Variants in TBC1D9 observed in about 807,000 individuals in gnomAD.
The protein encoded by TBC1D9 is TBC1 domain family member 9A.
Under a neutral mutation model 132.0 loss-of-function variants are expected in TBC1D9, and 63 were observed. The ratio of observed to expected loss-of-function variants is 0.48; its 90% CI spans 0.39 to 0.59. The LOEUF (loss-of-function observed/expected upper bound fraction) is 0.59, where lower values mean the gene tolerates loss of function less well. Among genes scored for constraint, TBC1D9 ranks in the 20% least tolerant of loss-of-function variants. The pLI is 0.00. For missense variants in TBC1D9, 1,261 were observed against 1,592.7 expected (o/e 0.79, Z 3.54); for synonymous variants, 610 against 609.9 (o/e 1.00, Z 0.00).
intron 1 of TBC1D9, 44 bp from the exon 2 acceptor site, chr4:140,701,658 T>G (rs1174733718): frequency 2.0e-6 from 3 of 1,484,864 alleles, no homozygotes; most frequent in African/African-American, 2.8e-5. Flanking sequence ...ATTGCCTTAG[T>G]ACTTTCCCAC....
chr4:140,690,750 A>G (rs1737865240), intron 2 of TBC1D9, among the ~76,000 whole-genome samples: 1 of 152,148 alleles, frequency 6.6e-6, no homozygotes, highest in Non-Finnish European at 1.5e-5. Flanking sequence ...TTCTATGACC[A>G]GTATAGCAGG....
chr4:140,669,644 T>C lies in TBC1D9; in HGVS notation c.1427A>G (p.Asn476Ser). Residue 476 changes from asparagine (N) to serine (S), a missense_variant, in exon 8 of 21, where the codon AAC becomes AGC. Asn to Ser is a conservative substitution (Grantham distance 46). This residue lies in a region of TBC1D9 where 550 missense variants were observed against 699.0 expected (regional missense o/e 0.79). Transcript: ENST00000442267. ...GTGAGAGGCACCCACCAATTTCGGGTTGAACTCCTCGGGAGACCGCCGCCG... is the reference window on the plus strand; with the variant it reads ...GTGAGAGGCACCCACCAATTTCGGGCTGAACTCCTCGGGAGACCGCCGCCG... ...MYRRRSPEEF[N>S]PKLAKEFLKE... The C allele has an allele frequency of 6.2e-7, 1 of 1,606,314 alleles. No homozygotes were observed. Among genetic ancestry groups the C allele is most frequent in the Non-Finnish European group, 8.5e-7 (1 of 1,173,636 alleles).
At chr4:140,727,256 G>T (rs895550667) in intron 1 of TBC1D9, among the ~76,000 whole-genome samples, 1 of 152,180 alleles carries the variant, frequency 6.6e-6, no homozygotes, top group African/African-American at 2.4e-5. Flanking sequence ...CACTGCCCCA[G>T]TGGAAGACTC....
rs368144546 is a variant in TBC1D9, at chr4:140,669,641, G to A, written c.1430C>T (p.Pro477Leu). 4.4e-6 allele frequency: 7 copies of A among 1,605,046 alleles called. No individual in the cohort carries two copies. The highest frequency in any genetic ancestry group is 2.2e-5 in the East Asian group (1 of 44,656). ...YRRRSPEEFN[P>L]KLAKEFLKEQ... Reference sequence around the variant, plus strand: ...AAAGTGAGAGGCACCCACCAATTTCGGGTTGAACTCCTCGGGAGACCGCCG... The same window carrying A: ...AAAGTGAGAGGCACCCACCAATTTCAGGTTGAACTCCTCGGGAGACCGCCG... The change falls in exon 8 of 21, where the codon CCG becomes CTG. Residue 477 changes from proline (P) to leucine (L), a missense_variant. Physicochemically the swap from Pro to Leu is moderately conservative, Grantham distance 98. Around this residue, in one of 3 missense-constraint regions of TBC1D9, gnomAD observed 550 missense variants for 699.0 expected, o/e 0.79. Coordinates refer to ENST00000442267, the MANE Select transcript of TBC1D9 (RefSeq NM_015130.3).
chr4:140,711,015 G>A (rs896645954), intron 1 of TBC1D9, among the ~76,000 whole-genome samples: 2 of 152,180 alleles, frequency 1.3e-5, no homozygotes, highest in Non-Finnish European at 2.9e-5. Flanking sequence ...CCACGAACAA[G>A]CTTGCTGCTT....
At chr4:140,748,125 T>C (rs1303543557) in intron 1 of TBC1D9, among the ~76,000 whole-genome samples, 1 of 152,124 alleles carries the variant, frequency 6.6e-6, no homozygotes, top group Non-Finnish European at 1.5e-5. Context: ...TTAAGTTAAT[T>C]GAGGCCTTAC....
intron 1 of TBC1D9, among the ~76,000 whole-genome samples, chr4:140,718,247 GAA>G (rs11420074): frequency 4.1e-5 from 5 of 123,152 alleles, no homozygotes; most frequent in East Asian, 2.2e-4. Flanking sequence ...CCTTTTTTCA[GAA>G]AAAAAAAAAA....
At chr4:140,643,135 C>T in intron 13 of TBC1D9, 1 of 1,428,824 alleles carries the variant, frequency 7.0e-7, no homozygotes, top group East Asian at 2.5e-5. Context: ...ACCACGGGCC[C>T]ATCCAGCACC....
At chr4:140,645,318 G>A (rs1046501318) in intron 13 of TBC1D9, 12 of 497,394 alleles carry the variant, frequency 2.4e-5, no homozygotes, top group Admixed American at 4.3e-5. Flanking sequence ...GCCAGCCCAG[G>A]CCCCAGCCAG....
chr4:140,753,387 C>A (rs1365960352), intron 1 of TBC1D9, among the ~76,000 whole-genome samples: 1 of 152,158 alleles, frequency 6.6e-6, no homozygotes, highest in Non-Finnish European at 1.5e-5. Context: ...CACCACCATG[C>A]CCAGTTCCTT....
At chr4:140,744,423 T>G (rs115258333) in intron 1 of TBC1D9, among the ~76,000 whole-genome samples, 2,110 of 152,268 alleles carry the variant, frequency 0.014, 47 homozygotes, top group African/African-American at 0.048. Flanking sequence ...CCCTTCTCCC[T>G]TTCAAATTCA....
intron 1 of TBC1D9, among the ~76,000 whole-genome samples, chr4:140,747,910 T>C (rs1439513164): frequency 6.6e-6 from 1 of 152,174 alleles, no homozygotes; most frequent in Non-Finnish European, 1.5e-5. Flanking sequence ...TACCAAAAAT[T>C]AGTGATTTTA....
intron 6 of TBC1D9, among the ~76,000 whole-genome samples, chr4:140,672,117 A>G (rs1412454234): frequency 6.6e-6 from 1 of 151,924 alleles, no homozygotes; most frequent in East Asian, 1.9e-4. Context: ...GGGTCCATCA[A>G]GGGAAAAAGT....
intron 1 of TBC1D9, among the ~76,000 whole-genome samples, chr4:140,704,489 A>T (rs1318045430): frequency 6.6e-6 from 1 of 151,880 alleles, no homozygotes; most frequent in Non-Finnish European, 1.5e-5. Flanking sequence ...GTGGTTTAAT[A>T]AGCCTCTGAG....
Position 140,621,407 on chromosome 4 carries a change from GC to G in TBC1D9, c.*787del, listed in dbSNP as rs1462689812. ...AAGCAAAAGCAAAAACCTGTCATGA[GC>G]CCTCTGTCTTTGCTGCTACTTTCAG... On this transcript the variant is annotated 3_prime_UTR_variant, in exon 21 of 21. Transcript: ENST00000442267. 1 of 152,186 alleles carries G rather than the reference GC, an allele frequency of 6.6e-6. No individual in the cohort carries two copies. The highest frequency in any genetic ancestry group is 1.5e-5 in the Non-Finnish European group (1 of 68,016). The allele number at this position is 152,186 out of a possible 1,614,324, so 9.4% of individuals were successfully genotyped here. A position where few individuals can be genotyped will look rare whatever the true frequency, so the allele number is the denominator to read the frequency against.
In TBC1D9 at chr4:140,741,634, C is replaced by T. The variant is rs1738759934; in HGVS notation, c.130+14282G>A. 2.6e-5 allele frequency among the ~76,000 whole-genome samples: 4 copies of T among 152,144 alleles called. No homozygotes were observed. The South Asian group carries it at 8.3e-4, about 32-fold the overall frequency. On this transcript the variant is annotated intron_variant, in intron 1 of 20. Transcript: ENST00000442267. ...TTGAGAGGCTGAGGTGGGAGTATGGCTTGAGTCCAGGAGGCAGAGGATGCA... is the reference window on the plus strand; with the variant it reads ...TTGAGAGGCTGAGGTGGGAGTATGGTTTGAGTCCAGGAGGCAGAGGATGCA...
chr4:140,740,142 A>C (rs958219842), intron 1 of TBC1D9, among the ~76,000 whole-genome samples: 7 of 152,194 alleles, frequency 4.6e-5, no homozygotes, highest in African/African-American at 1.7e-4. Context: ...CCTGATTAAT[A>C]ATCTCTAGAC....
At chr4:140,679,885 A>G (rs201417188) in intron 3 of TBC1D9, 42 bp from the exon 4 acceptor site, 909 of 1,491,660 alleles carry the variant, frequency 6.1e-4, no homozygotes, top group Non-Finnish European at 8.1e-4. Context: ...TGGTATTAAT[A>G]TGACTAGAGA....
Position 140,627,423 on chromosome 4 carries a change from G to A in TBC1D9, c.2899+18C>T. 6.6e-7 allele frequency: 1 copy of A among 1,509,694 alleles called. No homozygotes were observed. The highest frequency in any genetic ancestry group is 1.7e-5 in the Admixed American group (1 of 58,238). 93.5% of individuals were successfully genotyped at this position (1,509,694 alleles called of 1,614,324 possible). A position where few individuals can be genotyped will look rare whatever the true frequency, so the allele number is the denominator to read the frequency against. On this transcript the variant is annotated intron_variant, in intron 18 of 20. Coordinates refer to ENST00000442267, the MANE Select transcript of TBC1D9 (RefSeq NM_015130.3). Reference sequence around the variant, plus strand: ...GTAGAAAACAAATATAGTATCTTTGGTGAGAAAAGTCACTTACCATGTGTA... The same window carrying A: ...GTAGAAAACAAATATAGTATCTTTGATGAGAAAAGTCACTTACCATGTGTA...
Sources: gnomAD v4.1 joint callset for allele counts (sites outside exome capture counted in the v4.1 genomes callset) on GRCh38, gnomAD v4.1.1 for gene constraint, gnomAD v4.1.1 regional missense constraint, MANE v1.5 for transcripts, NCBI Gene and HGNC (gene_info 2026-07-23, HGNC 2026-07-21) for gene names.